The following BEST4 variants were observed in gnomAD, a reference collection of about 807,000 sequenced individuals.
BEST4 encodes bestrophin 4.
BEST4 carries 36 observed loss-of-function variants against 47.1 expected under a neutral mutation model. That is an observed-to-expected ratio of 0.76 (90% CI 0.59 to 1.01). The LOEUF is 1.01. Ranked by LOEUF, BEST4 falls within the 50% of genes least tolerant of loss-of-function variation. BEST4 has a pLI of 0.00. For synonymous variants in BEST4, 250 were observed against 277.8 expected, an observed-to-expected ratio of 0.90 and a Z score of 1.00; for missense variants, 550 against 648.6, an observed-to-expected ratio of 0.85 and a Z score of 1.65.
downstream of BEST4, among the ~76,000 whole-genome samples, chr1:44,782,707 A>G (rs1026258959): frequency 2.6e-5 from 4 of 152,176 alleles, no homozygotes; most frequent in African/African-American, 9.7e-5. Flanking sequence ...ACAGATGGAA[A>G]GAAGCAAAGC....
At chr1:44,782,780 G>T (rs1386494553), downstream of BEST4, among the ~76,000 whole-genome samples, 1 of 152,172 alleles carries the variant, frequency 6.6e-6, no homozygotes. Flanking sequence ...GCACTCTAGT[G>T]TCCCCCCTCT....
rs1395373872 is a variant in BEST4, at chr1:44,786,454, G to T, written c.481+9C>A. 1.3e-6 allele frequency: 2 copies of T among 1,503,640 alleles called. No individual in the cohort carries two copies. The highest frequency in any genetic ancestry group is 8.9e-7 in the Non-Finnish European group (1 of 1,124,980). The allele number at this position is 1,503,640 out of a possible 1,614,324, so 93.1% of individuals were successfully genotyped here. ...CCGGACCCCCAGAGGCTCCCGGCGGGCGGCGCACCTGCGTCCACCACGTGC... is the reference window on the plus strand; with the variant it reads ...CCGGACCCCCAGAGGCTCCCGGCGGTCGGCGCACCTGCGTCCACCACGTGC... On this transcript the variant is annotated intron_variant, in intron 3 of 8. Transcript: ENST00000372207. This position sits in a 1 kb window ranked among gnomAD's most constrained non-coding sequence, Gnocchi z 4.9.
intron 2 of BEST4, 82 bp downstream of exon 2, chr1:44,787,290 T>C: frequency 7.3e-7 from 1 of 1,377,110 alleles, no homozygotes; most frequent in South Asian, 1.2e-5. Context: ...TGGGTAATTC[T>C]GACCCTCGGA....
In BEST4 at chr1:44,785,230, C is replaced by G. The variant is rs1402492451; in HGVS notation, c.790G>C (p.Ala264Pro). The change falls in exon 6 of 9, where the codon GCT becomes CCT. Residue 264 changes from alanine (A) to proline (P), a missense_variant. Ala to Pro is a conservative substitution (Grantham distance 27). Around this residue, in one of 3 missense-constraint regions of BEST4, gnomAD observed 4 missense variants for 19.6 expected, o/e 0.20. Coordinates refer to ENST00000372207, the MANE Select transcript of BEST4 (RefSeq NM_153274.3). ...TTCAGAAGCTTCTGAGGTTTGGCAG[C>G]CCCTGCCTCTGGCTCCACAAACTGG... ...GRQFVEPEAG[A>P]AKPQKLLKPG... 6.2e-7 allele frequency: 1 copy of G among 1,613,222 alleles called. No individual in the cohort carries two copies. Among genetic ancestry groups the G allele is most frequent in the Non-Finnish European group, 8.5e-7 (1 of 1,179,698 alleles).
At position 44,784,209 on chromosome 1, in the gene BEST4, C is replaced by T; in HGVS notation, c.*1G>A. On this transcript the variant is annotated 3_prime_UTR_variant, in exon 9 of 9. Coordinates refer to ENST00000372207, the MANE Select transcript of BEST4 (RefSeq NM_153274.3). This position sits in a 1 kb window ranked among gnomAD's most constrained non-coding sequence, Gnocchi z 6.2. ...GAAACCGGGCGGGGGCAGGCGAGAC[C>T]TCAGGGCTCCAGGGCCTCGTCCCCG... 7.0e-7 allele frequency: 1 copy of T among 1,432,606 alleles called. No homozygotes were observed. Among genetic ancestry groups the T allele is most frequent in the Non-Finnish European group, 9.1e-7 (1 of 1,103,108 alleles). The allele number at this position is 1,432,606 out of a possible 1,614,324, so 88.7% of individuals were successfully genotyped here.
Position 44,787,716 on chromosome 1 carries a change from G to A in BEST4, c.-11C>T. On this transcript the variant is annotated 5_prime_UTR_variant, in exon 1 of 9. Transcript: ENST00000372207. ...GTATGAAACCGTCATGGTGCTGGGA[G>A]CCTGGGGCAGGAGGTCACAAGAGTT... 6.2e-7 allele frequency: 1 copy of A among 1,613,736 alleles called. No homozygotes were observed. Among genetic ancestry groups the A allele is most frequent in the Non-Finnish European group, 8.5e-7 (1 of 1,179,982 alleles).
chr1:44,791,027 C>T (rs1028565480), upstream of BEST4, among the ~76,000 whole-genome samples: 13 of 152,178 alleles, frequency 8.5e-5, no homozygotes, highest in African/African-American at 1.4e-4. Flanking sequence ...TCCCTCCACC[C>T]CCTCTTTTGT....
Position 44,784,165 on chromosome 1 carries a change from A to C in BEST4, c.*45T>G. ...CTGGCAGGACCGGGCACGGGAGGGA[A>C]GGAGGGCAGTGGGTGGGGGAAACCG... On this transcript the variant is annotated 3_prime_UTR_variant, in exon 9 of 9. Transcript: ENST00000372207. This position sits in a 1 kb window ranked among gnomAD's most constrained non-coding sequence, Gnocchi z 6.2. 1 of 1,352,950 alleles carries C rather than the reference A, an allele frequency of 7.4e-7. No homozygotes were observed. The highest frequency in any genetic ancestry group is 9.5e-7 in the Non-Finnish European group (1 of 1,054,474). 83.8% of individuals were successfully genotyped at this position (1,352,950 alleles called of 1,614,324 possible).
At chr1:44,782,366 G>A (rs1651065793), downstream of BEST4, among the ~76,000 whole-genome samples, 2 of 152,030 alleles carry the variant, frequency 1.3e-5, no homozygotes, top group Non-Finnish European at 2.9e-5. Context: ...GGTGGCTTAC[G>A]CCTGTAATTC....
chr1:44,792,500 A>G (rs1294601040), upstream of BEST4, among the ~76,000 whole-genome samples: 1 of 151,858 alleles, frequency 6.6e-6, no homozygotes, highest in African/African-American at 2.4e-5. Flanking sequence ...CGTTGCGCAT[A>G]TTAGGTGAGT....
chr1:44,790,637 A>C (rs1426972023), upstream of BEST4, among the ~76,000 whole-genome samples: 1 of 152,176 alleles, frequency 6.6e-6, no homozygotes, highest in African/African-American at 2.4e-5. Flanking sequence ...AAGCTAGATT[A>C]CAGTGGCTCA....
upstream of BEST4, among the ~76,000 whole-genome samples, chr1:44,791,976 C>CT (rs1651422105): frequency 6.6e-6 from 1 of 152,188 alleles, no homozygotes. Context: ...GGTGCGGTAG[C>CT]TCACGCCTGT....
rs1651121381 is a variant in BEST4 at position 44,784,134 on chromosome 1, A to AGCTG, written c.*72_*75dup. 7 of 1,309,494 alleles carry AGCTG rather than the reference A, an allele frequency of 5.3e-6. No individual in the cohort carries two copies. Among genetic ancestry groups the AGCTG allele is most frequent in the Non-Finnish European group, 6.9e-6 (7 of 1,018,500 alleles). 81.1% of individuals were successfully genotyped at this position (1,309,494 alleles called of 1,614,324 possible). On this transcript the variant is annotated 3_prime_UTR_variant, in exon 9 of 9. Transcript: ENST00000372207. The surrounding 1 kb of genome is among the most constrained non-coding windows in gnomAD (Gnocchi z 6.2). ...CACACAGGAAAAGCTGCTCTAATAG[A>AGCTG]GCTGGCTGGCAGGACCGGGCACGGG... is the stretch of plus-strand genomic sequence containing the variant.
At chr1:44,783,576 AAAC>A (rs1651104650), downstream of BEST4, 2 of 152,218 alleles carry the variant, frequency 1.3e-5, no homozygotes, top group Non-Finnish European at 1.5e-5. Context: ...AACAAAAACT[AAAC>A]AACACTTAAA....
chr1:44,787,808 C>A lies in BEST4; in HGVS notation c.-103G>T, dbSNP rs1651303090. The stretch of plus-strand genomic sequence containing the variant: ...CCACTCTGGTCTCACACACCCCAGC[C>A]TTCACCCTGCGTCAGTGGACAAGGG... On this transcript the variant is annotated 5_prime_UTR_variant, in exon 1 of 9. In the 5' UTR this introduces an upstream ATG that the reference lacks. Transcript: ENST00000372207. 1 of 1,397,800 alleles carries A rather than the reference C, an allele frequency of 7.2e-7. No individual in the cohort carries two copies. The highest frequency in any genetic ancestry group is 2.0e-5 in the Admixed American group (1 of 50,572). 86.6% of individuals were successfully genotyped at this position (1,397,800 alleles called of 1,614,324 possible).
Position 44,784,322 on chromosome 1 carries a change from G to C in BEST4, c.1310C>G (p.Pro437Arg). 1 of 1,396,140 alleles carries C rather than the reference G, an allele frequency of 7.2e-7. No individual in the cohort carries two copies. Among genetic ancestry groups the C allele is most frequent in the Non-Finnish European group, 9.2e-7 (1 of 1,085,534 alleles). The allele number at this position is 1,396,140 out of a possible 1,614,324, so 86.5% of individuals were successfully genotyped here. ...GAAGCGCAGCAGATGCGGGGGGCGGGGGGTGCCTCGCACGCGGCCGAAGTT... is the reference window on the plus strand; with the variant it reads ...GAAGCGCAGCAGATGCGGGGGGCGGCGGGTGCCTCGCACGCGGCCGAAGTT... ...LRNFGRVRGT[P>R]RPPHLLRFRA... The change falls in exon 9 of 9, where the codon CCC (proline) becomes CGC (arginine). Residue 437 changes from proline to arginine, a missense_variant. Around this residue, in one of 3 missense-constraint regions of BEST4, gnomAD observed 255 missense variants for 286.6 expected, o/e 0.89. Coordinates refer to ENST00000372207, the MANE Select transcript of BEST4 (RefSeq NM_153274.3). The surrounding 1 kb of genome is among the most constrained non-coding windows in gnomAD (Gnocchi z 6.2).
In BEST4 at chr1:44,784,252, C is replaced by T; in HGVS notation, c.1380G>A (p.Glu460=). The T allele has an allele frequency of 6.9e-7, 1 of 1,455,702 alleles. No individual in the cohort carries two copies. The highest frequency in any genetic ancestry group is 9.0e-7 in the Non-Finnish European group (1 of 1,113,090). 90.2% of individuals were successfully genotyped at this position (1,455,702 alleles called of 1,614,324 possible). The change falls in exon 9 of 9, where the codon GAG becomes GAA. Residue 460 remains glutamate, a synonymous_variant. Coordinates refer to ENST00000372207, the MANE Select transcript of BEST4 (RefSeq NM_153274.3). This position sits in a 1 kb window ranked among gnomAD's most constrained non-coding sequence, Gnocchi z 6.2. The part of the protein sequence containing the change: ...GGDPEAAARI[E]EESAESGDEA... ...CGTCCCCGGACTCCGCCGATTCCTC[C>T]TCGATGCGGGCTGCGGCCTCGGGGT...
upstream of BEST4, among the ~76,000 whole-genome samples, chr1:44,789,174 G>A (rs1230128930): frequency 6.7e-6 from 1 of 148,502 alleles, no homozygotes; most frequent in East Asian, 2.0e-4. Flanking sequence ...CAGGAGAATT[G>A]CTTGAACCTG....
At chr1:44,787,132 G>A (rs1362293238) in intron 2 of BEST4, among the ~76,000 whole-genome samples, 2 of 145,300 alleles carry the variant, frequency 1.4e-5, no homozygotes, top group African/African-American at 2.6e-5. Context: ...CTGCCACCGT[G>A]TTGAGTAATT....
Sources: gnomAD v4.1 joint callset for allele counts (sites outside exome capture counted in the v4.1 genomes callset) on GRCh38, gnomAD v4.1.1 for gene constraint, gnomAD v4.1.1 regional missense constraint, Gnocchi (gnomAD v3.1) non-coding constraint, MANE v1.5 for transcripts, NCBI Gene and HGNC (gene_info 2026-07-23, HGNC 2026-07-21) for gene names.